Variants in MGAT5B observed in about 807,000 individuals in gnomAD.
The protein encoded by MGAT5B is N-acetylglucosaminyl-transferase Vb.
In MGAT5B, 54 loss-of-function variants were observed where a neutral mutation model predicts 95.1. The ratio of observed to expected loss-of-function variants is 0.57; its 90% CI spans 0.46 to 0.71. The LOEUF is 0.71. MGAT5B is among the 30% of genes least tolerant of loss of function. MGAT5B has a pLI of 0.00. For synonymous variants in MGAT5B, 464 were observed against 451.0 expected (o/e 1.03, Z -0.36); for missense variants, 935 against 1,088.6 (o/e 0.86, Z 1.99).
chr17:76,886,039 A>C (rs940508879), intron 3 of MGAT5B, among the ~76,000 whole-genome samples: 25 of 152,334 alleles, frequency 1.6e-4, no homozygotes, highest in African/African-American at 5.5e-4. Context: ...TTCCTCAGGG[A>C]AAGTAAATTT....
intron 10 of MGAT5B, among the ~76,000 whole-genome samples, chr17:76,927,325 G>A (rs1226856495): frequency 4.0e-5 from 6 of 151,842 alleles, no homozygotes; most frequent in Non-Finnish European, 7.4e-5. Flanking sequence ...CTGCAGCCTC[G>A]ACCTCCTGGG....
chr17:76,924,927 G>T (rs759255323), intron 8 of MGAT5B, 39 bp from the exon 9 acceptor site: 15 of 1,609,982 alleles, frequency 9.3e-6, no homozygotes, highest in Non-Finnish European at 1.3e-5. Context: ...GGGCAGGTGG[G>T]TTTCTTGGGG....
chr17:76,928,568 G>A (rs1294831996), intron 10 of MGAT5B, among the ~76,000 whole-genome samples: 2 of 152,064 alleles, frequency 1.3e-5, no homozygotes, highest in Non-Finnish European at 2.9e-5. Flanking sequence ...AGCCGGGTGT[G>A]GTCGTGGGTG....
chr17:76,901,279 C>A (rs940765120), intron 3 of MGAT5B, among the ~76,000 whole-genome samples: 1 of 152,052 alleles, frequency 6.6e-6, no homozygotes, highest in Non-Finnish European at 1.5e-5. Flanking sequence ...AAAAATCCTT[C>A]ATCGAATTCC....
At chr17:76,925,250 C>T (rs1441599635) in intron 9 of MGAT5B, among the ~76,000 whole-genome samples, 153 bp downstream of exon 9, 2 of 35,220 alleles carry the variant, frequency 5.7e-5, no homozygotes, top group East Asian at 6.8e-4. Context: ...CCCCTCCCCT[C>T]CCCTGCCACT....
At chr17:76,872,606 G>C in intron 1 of MGAT5B, 4 of 1,434,330 alleles carry the variant, frequency 2.8e-6, no homozygotes, top group Non-Finnish European at 3.7e-6. Flanking sequence ...TCATGCCTAA[G>C]TGTGCGTCAT....
intron 6 of MGAT5B, among the ~76,000 whole-genome samples, chr17:76,904,959 C>T (rs887030490): frequency 2.6e-5 from 4 of 152,184 alleles, no homozygotes; most frequent in African/African-American, 9.7e-5. Context: ...GGGCTAGGGG[C>T]CCATGGTTAG....
chr17:76,931,521 G>C (rs1368243861), intron 10 of MGAT5B, among the ~76,000 whole-genome samples: 1 of 152,232 alleles, frequency 6.6e-6, no homozygotes, highest in Non-Finnish European at 1.5e-5. Context: ...CCTCTCACAG[G>C]CCCATGAGCA....
intron 13 of MGAT5B, among the ~76,000 whole-genome samples, chr17:76,939,058 G>A (rs182438888): frequency 9.2e-5 from 14 of 151,616 alleles, no homozygotes; most frequent in African/African-American, 2.7e-4. Context: ...GTGTGTGTGT[G>A]TGTGTGTGTG....
At chr17:76,942,091 G>A (rs1374906747) in intron 15 of MGAT5B, among the ~76,000 whole-genome samples, 1 of 152,190 alleles carries the variant, frequency 6.6e-6, no homozygotes, top group African/African-American at 2.4e-5. Context: ...GAGAGGTTGT[G>A]TGACCTTGTA....
chr17:76,895,653 C>G (rs2145167788), intron 3 of MGAT5B, among the ~76,000 whole-genome samples: 2 of 152,210 alleles, frequency 1.3e-5, no homozygotes, highest in South Asian at 4.1e-4. Flanking sequence ...CAAATTTCCC[C>G]TTTTGATAAA....
intron 3 of MGAT5B, 153 bp downstream of exon 3, chr17:76,882,451 T>C: frequency 1.2e-6 from 1 of 803,428 alleles, no homozygotes; most frequent in Non-Finnish European, 1.8e-6. Flanking sequence ...CCACCCAAAT[T>C]TAACAACCGT....
chr17:76,932,097 T>C (rs1397222002), intron 10 of MGAT5B, among the ~76,000 whole-genome samples: 7 of 118,722 alleles, frequency 5.9e-5, no homozygotes, highest in Admixed American at 9.1e-5. Context: ...CCCCCCCCCT[T>C]CTTCGTCTTT....
chr17:76,897,233 G>A (rs1055040160), intron 3 of MGAT5B, among the ~76,000 whole-genome samples: 6 of 152,164 alleles, frequency 3.9e-5, no homozygotes, highest in East Asian at 3.9e-4. Context: ...TCTCTTTTGC[G>A]GTGGATTAAA....
chr17:76,937,603 T>C (rs1440904503), intron 12 of MGAT5B, among the ~76,000 whole-genome samples: 1 of 151,596 alleles, frequency 6.6e-6, no homozygotes, highest in Non-Finnish European at 1.5e-5. Context: ...ATGGATGGGA[T>C]GGGTGAGAGA....
intron 3 of MGAT5B, among the ~76,000 whole-genome samples, chr17:76,901,438 G>C (rs1210225616): frequency 1.3e-5 from 2 of 150,646 alleles, no homozygotes; most frequent in Non-Finnish European, 2.9e-5. Flanking sequence ...CCTGGAGAAA[G>C]ACCCCCAGGG....
At chr17:76,875,387 G>C (rs550518823) in intron 2 of MGAT5B, among the ~76,000 whole-genome samples, 1 of 151,964 alleles carries the variant, frequency 6.6e-6, no homozygotes, top group Non-Finnish European at 1.5e-5. Flanking sequence ...CCTTTTGCTC[G>C]GTACTTCCCC....
chr17:76,913,878 C>A (rs773319976), intron 8 of MGAT5B: 3 of 432,144 alleles, frequency 6.9e-6, no homozygotes, highest in South Asian at 1.6e-5. Context: ...TGGGAGGTCA[C>A]GGCGGGAGGA....
At chr17:76,880,875 C>T (rs1423435013) in intron 2 of MGAT5B, among the ~76,000 whole-genome samples, 1 of 152,170 alleles carries the variant, frequency 6.6e-6, no homozygotes, top group East Asian at 1.9e-4. Context: ...TCCATTAGCT[C>T]CCGGTTAAAC....
Sources: allele counts gnomAD v4.1 joint callset (sites outside exome capture counted in the v4.1 genomes callset), GRCh38; gene constraint gnomAD v4.1.1; transcripts MANE v1.5; gene names NCBI Gene and HGNC (gene_info 2026-07-23, HGNC 2026-07-21).